Variants in CCDC38 observed in about 807,000 individuals in gnomAD.
CCDC38 encodes coiled-coil domain containing 38.
In CCDC38, 69 loss-of-function variants were observed where a neutral mutation model predicts 72.8. The ratio of observed to expected loss-of-function variants is 0.95; its 90% CI spans 0.78 to 1.16. The LOEUF (loss-of-function observed/expected upper bound fraction) is 1.16, where lower values mean the gene tolerates loss of function less well. Among genes scored for constraint, CCDC38 ranks in the 50% most tolerant of loss-of-function variants. The pLI is 0.00. For synonymous variants in CCDC38, 201 were observed against 213.2 expected (o/e 0.94, Z 0.50); for missense variants, 626 against 638.9 (o/e 0.98, Z 0.22).
At chr12:95,919,033 G>T in intron 2 of CCDC38, 57 bp from the exon 3 acceptor site, 3 of 1,077,018 alleles carry the variant, frequency 2.8e-6, no homozygotes, top group South Asian at 1.3e-5. Context: ...CTGCTGACCA[G>T]AATAGTAAGT....
chr12:95,876,261 G>A (rs1038083210), intron 13 of CCDC38, among the ~76,000 whole-genome samples: 2 of 152,192 alleles, frequency 1.3e-5, no homozygotes, highest in Admixed American at 1.3e-4. Flanking sequence ...TCAGAGAGAC[G>A]AAGTAAAATG....
intron 10 of CCDC38, among the ~76,000 whole-genome samples, chr12:95,884,899 A>G (rs1205273127): frequency 6.6e-6 from 1 of 152,248 alleles, no homozygotes; most frequent in East Asian, 1.9e-4. Flanking sequence ...GGTCATGTAC[A>G]TAGTACCATG....
At chr12:95,919,466 C>G in intron 2 of CCDC38, 1 of 451,092 alleles carries the variant, frequency 2.2e-6, no homozygotes, top group Non-Finnish European at 4.5e-6. Context: ...AGTTCGTTCA[C>G]AAGGACTCAA....
intron 4 of CCDC38, among the ~76,000 whole-genome samples, chr12:95,916,379 GCCTT>G (rs63210665): frequency 0.2 from 28,919 of 147,278 alleles, 3,515 homozygotes; most frequent in Middle Eastern, 0.29. Context: ...TTGCCTGCCT[GCCTT>G]CCTTCCTTCC....
intron 2 of CCDC38, among the ~76,000 whole-genome samples, chr12:95,927,852 T>G (rs1361504959): frequency 1.3e-5 from 2 of 149,328 alleles, no homozygotes; most frequent in African/African-American, 5.0e-5. Context: ...TCTTTAAGAA[T>G]GTTGAATATT....
chr12:95,904,005 T>C (rs1461914832), intron 5 of CCDC38, among the ~76,000 whole-genome samples: 1 of 150,590 alleles, frequency 6.6e-6, no homozygotes, highest in Non-Finnish European at 1.5e-5. Context: ...AACCAATAAA[T>C]CTGGGTTTTT....
At chr12:95,925,919 G>C (rs1592801863) in intron 2 of CCDC38, among the ~76,000 whole-genome samples, 1 of 132,194 alleles carries the variant, frequency 7.6e-6, no homozygotes, top group Non-Finnish European at 1.6e-5. Context: ...TAAGCTTTTT[G>C]ATGTGCTGCT....
In CCDC38 at chr12:95,925,448, G is replaced by A. The variant is rs191541424; in HGVS notation, c.38-6472C>T. On this transcript the variant is annotated intron_variant, in intron 2 of 15. Coordinates refer to ENST00000344280, the MANE Select transcript of CCDC38 (RefSeq NM_182496.3). ...GCTTAAGGAGATTTGGGGCTGAGAC[G>A]ATGGGGTTTTCTAGATATACAATCA... 4.8e-3 allele frequency among the ~76,000 whole-genome samples: 725 copies of A among 152,246 alleles called. 4 individuals are homozygous for A. The highest frequency in any genetic ancestry group is 0.017 in the African/African-American group (706 of 41,534).
intron 4 of CCDC38, among the ~76,000 whole-genome samples, chr12:95,915,232 C>A (rs2080132598): frequency 6.6e-6 from 1 of 152,108 alleles, no homozygotes; most frequent in Non-Finnish European, 1.5e-5. Context: ...ATCTTTGAAC[C>A]AAGAGGCCAT....
At chr12:95,918,820 G>T (rs1309432825) in intron 3 of CCDC38, 56 bp downstream of exon 3, 3 of 1,197,716 alleles carry the variant, frequency 2.5e-6, no homozygotes, top group Admixed American at 1.7e-5. Context: ...AAGAGCAATA[G>T]GTAAGTGGAT....
chr12:95,913,973 A>T (rs2080119913), intron 4 of CCDC38, among the ~76,000 whole-genome samples: 1 of 152,206 alleles, frequency 6.6e-6, no homozygotes, highest in African/African-American at 2.4e-5. Flanking sequence ...TTGATGATTA[A>T]ATAAAATACA....
Position 95,917,189 on chromosome 12 carries a change from T to G in CCDC38, c.244A>C (p.Ser82Arg), listed in dbSNP as rs1380057056. 1.2e-6 allele frequency: 2 copies of G among 1,608,144 alleles called. No homozygotes were observed. Among genetic ancestry groups the G allele is most frequent in the Admixed American group, 3.5e-5 (2 of 57,936 alleles). ...LSQLAFYPKR[S>R]GRSFEKFGPG... The stretch of plus-strand genomic sequence containing the variant: ...CCAAACTTTTCAAATGACCTACCAC[T>G]CCTTTTAGGGTAGAAAGCTAGTTGG... The change falls in exon 4 of 16, where the codon AGT (serine) becomes CGT (arginine). Residue 82 changes from serine to arginine, a missense_variant. Transcript: ENST00000344280.
At chr12:95,891,029 T>C (rs2079821039) in intron 8 of CCDC38, 99 bp from the exon 9 acceptor site, 3 of 636,226 alleles carry the variant, frequency 4.7e-6, no homozygotes, top group Non-Finnish European at 8.2e-6. Flanking sequence ...GATAGAGTTA[T>C]TGTCAAAACT....
intron 13 of CCDC38, among the ~76,000 whole-genome samples, chr12:95,876,769 GTCT>G (rs1486929939): frequency 6.6e-6 from 1 of 152,152 alleles, no homozygotes; most frequent in Non-Finnish European, 1.5e-5. Context: ...GGGGAGGACA[GTCT>G]TCTTCTGATG....
intron 9 of CCDC38, 79 bp downstream of exon 9, chr12:95,890,753 G>T (rs1427169539): frequency 3.8e-6 from 3 of 788,412 alleles, no homozygotes; most frequent in Admixed American, 2.1e-5. Flanking sequence ...TTTCCAGGTT[G>T]GCTTGTAGTC....
intron 4 of CCDC38, among the ~76,000 whole-genome samples, chr12:95,914,333 A>G (rs947784399): frequency 9.9e-5 from 15 of 152,230 alleles, no homozygotes; most frequent in Non-Finnish European, 1.9e-4. Flanking sequence ...CAAAAACAAA[A>G]CAAAACAAAA....
rs934044022 is a variant in CCDC38, at chr12:95,917,207, C to G, written c.226G>C (p.Ala76Pro). Residue 76 changes from alanine to proline, a missense_variant, in exon 4 of 16, where the codon GCT becomes CCT. Ala to Pro is a conservative substitution (Grantham distance 27). Transcript: ENST00000344280. ...CTACCACTCCTTTTAGGGTAGAAAG[C>G]TAGTTGGCTCAGGTATGAATGACTC... is the stretch of plus-strand genomic sequence containing the variant. ...MKSHSYLSQL[A>P]FYPKRSGRSF... The G allele has an allele frequency of 5.0e-6, 8 of 1,610,478 alleles. No homozygotes were observed. Among genetic ancestry groups the G allele is most frequent in the Non-Finnish European group, 6.8e-6 (8 of 1,179,334 alleles).
intron 4 of CCDC38, among the ~76,000 whole-genome samples, chr12:95,908,915 A>G (rs867616481): frequency 3.9e-5 from 6 of 152,050 alleles, no homozygotes; most frequent in Admixed American, 1.3e-4. Flanking sequence ...AGCTTTTTTC[A>G]TTCTGGAAAT....
At chr12:95,922,798 G>C (rs1203284679) in intron 2 of CCDC38, among the ~76,000 whole-genome samples, 1 of 152,078 alleles carries the variant, frequency 6.6e-6, no homozygotes, top group Non-Finnish European at 1.5e-5. Context: ...AAAGCCAACA[G>C]GCTGAAGACC....
Sources: gnomAD v4.1 joint callset for allele counts (sites outside exome capture counted in the v4.1 genomes callset) on GRCh38, gnomAD v4.1.1 for gene constraint, MANE v1.5 for transcripts, NCBI Gene and HGNC (gene_info 2026-07-23, HGNC 2026-07-21) for gene names.